Variants in EPN2 observed in about 807,000 individuals in gnomAD.
The protein encoded by EPN2 is epsin-2.
In EPN2, 34 loss-of-function variants were observed where a neutral mutation model predicts 61.7. The observed-to-expected ratio is 0.55, with a 90% CI of 0.42 to 0.73. The LOEUF is 0.73. EPN2 is among the 30% of genes least tolerant of loss of function. EPN2 has a pLI of 0.00. For synonymous variants in EPN2, 349 were observed against 353.6 expected (o/e 0.99, Z 0.15); for missense variants, 714 against 839.2 (o/e 0.85, Z 1.84).
intron 1 of EPN2, among the ~76,000 whole-genome samples, chr17:19,245,297 A>G (rs2044932813): frequency 6.6e-6 from 1 of 152,150 alleles, no homozygotes; most frequent in Non-Finnish European, 1.5e-5. Context: ...CCTTGAGCGA[A>G]GGGGACATTT....
chr17:19,242,397 T>A (rs1392645386), intron 1 of EPN2, among the ~76,000 whole-genome samples: 2 of 152,208 alleles, frequency 1.3e-5, no homozygotes, highest in Admixed American at 1.3e-4. Flanking sequence ...GTCTCCAGCC[T>A]GGGTGACAGA....
At chr17:19,258,379 C>T (rs577018296) in intron 1 of EPN2, among the ~76,000 whole-genome samples, 91 of 152,236 alleles carry the variant, frequency 6.0e-4, no homozygotes, top group Middle Eastern at 3.4e-3. Context: ...CCAATGCCAG[C>T]GTGCTTTGAT....
chr17:19,303,624 C>T (rs1294866761), intron 4 of EPN2, among the ~76,000 whole-genome samples: 5 of 152,212 alleles, frequency 3.3e-5, no homozygotes, highest in Admixed American at 3.3e-4. Flanking sequence ...ACAGGCAGCC[C>T]TCCCACCACC....
chr17:19,269,423 G>C (rs1490905888), intron 1 of EPN2, among the ~76,000 whole-genome samples: 1 of 152,240 alleles, frequency 6.6e-6, no homozygotes. Flanking sequence ...CAAAGGAACA[G>C]TGCAGGTTTC....
chr17:19,309,891 C>G lies in EPN2; in HGVS notation c.773C>G (p.Ser258Cys). ...ACTTGGTCTTCCCCAACAGCCACCTCCCCGCGAGTGTCCTCCGAGCTGGAG... is the reference window on the plus strand; with the variant it reads ...ACTTGGTCTTCCCCAACAGCCACCTGCCCGCGAGTGTCCTCCGAGCTGGAG... The part of the protein sequence containing the change: ...LTCDRAARAT[S>C]PRVSSELEQA... Residue 258 changes from serine (S) to cysteine (C), a missense_variant, in exon 5 of 11, where the codon TCC (serine) becomes TGC (cysteine). Transcript: ENST00000314728. 1 of 1,606,596 alleles carries G rather than the reference C, an allele frequency of 6.2e-7. No homozygotes were observed. Among genetic ancestry groups the G allele is most frequent in the African/African-American group, 1.3e-5 (1 of 75,054 alleles).
chr17:19,332,329 G>T (rs149201281), intron 10 of EPN2, among the ~76,000 whole-genome samples: 196 of 152,172 alleles, frequency 1.3e-3, no homozygotes, highest in Non-Finnish European at 2.2e-3. Flanking sequence ...CCCTGACTTG[G>T]TGCCCCCCCA....
intron 8 of EPN2, 23 bp from the exon 9 acceptor site, chr17:19,329,538 C>T: frequency 6.6e-7 from 1 of 1,507,506 alleles, no homozygotes; most frequent in Non-Finnish European, 9.2e-7. Context: ...TGCCCCCAGT[C>T]ATTGGCTTCT....
chr17:19,274,731 C>T (rs1163183914), intron 1 of EPN2, among the ~76,000 whole-genome samples: 1 of 152,198 alleles, frequency 6.6e-6, no homozygotes, highest in African/African-American at 2.4e-5. Context: ...CTGCTTGGAA[C>T]TGTGAAAAGC....
intron 4 of EPN2, among the ~76,000 whole-genome samples, chr17:19,295,731 C>A (rs1041004171): frequency 3.9e-5 from 6 of 152,104 alleles, no homozygotes; most frequent in Non-Finnish European, 7.3e-5. Context: ...ATCACTAGCT[C>A]TCAAGCTTTT....
intron 7 of EPN2, among the ~76,000 whole-genome samples, chr17:19,325,105 C>A (rs143221208): frequency 2.6e-5 from 4 of 152,174 alleles, no homozygotes; most frequent in African/African-American, 9.7e-5. Context: ...GGTATGGAAT[C>A]GGTATTTAAA....
intron 7 of EPN2, 124 bp from the exon 8 acceptor site, chr17:19,328,587 A>C: frequency 1.1e-6 from 1 of 915,656 alleles, no homozygotes; most frequent in East Asian, 2.7e-5. Context: ...TACCCTTTTG[A>C]TGGCTGTCTC....
chr17:19,267,497 G>A (rs1027410669), intron 1 of EPN2, among the ~76,000 whole-genome samples: 1 of 150,536 alleles, frequency 6.6e-6, no homozygotes, highest in Admixed American at 6.6e-5. Context: ...GAATTTAAAA[G>A]TAAGTTGATG....
At chr17:19,289,703 C>T (rs1452028988) in intron 4 of EPN2, among the ~76,000 whole-genome samples, 3 of 140,736 alleles carry the variant, frequency 2.1e-5, no homozygotes, top group Admixed American at 7.3e-5. Flanking sequence ...GTCAGCTGTT[C>T]GGCCTCACCT....
intron 4 of EPN2, among the ~76,000 whole-genome samples, chr17:19,293,954 G>T (rs937724616): frequency 6.6e-6 from 1 of 151,994 alleles, no homozygotes; most frequent in Non-Finnish European, 1.5e-5. Flanking sequence ...GTCGGGTGTG[G>T]TGGTGGATGC....
chr17:19,313,948 C>T (rs11652784), intron 7 of EPN2, among the ~76,000 whole-genome samples: 85,382 of 151,998 alleles, frequency 0.56, 30,833 homozygotes, highest in Non-Finnish European at 0.81. Flanking sequence ...GGCCTGGTGC[C>T]CTGGGAGGCC....
chr17:19,252,932 A>G (rs2045030624), intron 1 of EPN2, among the ~76,000 whole-genome samples: 1 of 152,124 alleles, frequency 6.6e-6, no homozygotes, highest in African/African-American at 2.4e-5. Context: ...CCTGAGTGCA[A>G]GAGATCTGCC....
At chr17:19,324,744 A>G (rs532758318) in intron 7 of EPN2, among the ~76,000 whole-genome samples, 2 of 152,370 alleles carry the variant, frequency 1.3e-5, no homozygotes, top group East Asian at 3.9e-4. Context: ...TTAGAATAGC[A>G]TTACACTGAC....
chr17:19,255,705 C>T (rs2045069949), intron 1 of EPN2, among the ~76,000 whole-genome samples: 1 of 151,724 alleles, frequency 6.6e-6, no homozygotes, highest in Admixed American at 6.6e-5. Context: ...TCACTGTAGC[C>T]TCTAGCTCCT....
At chr17:19,243,683 G>T (rs1345053978) in intron 1 of EPN2, among the ~76,000 whole-genome samples, 2 of 152,076 alleles carry the variant, frequency 1.3e-5, no homozygotes, top group Non-Finnish European at 2.9e-5. Context: ...ATGAGCCACT[G>T]CGCCCGGCCA....
Sources: allele counts gnomAD v4.1 joint callset (sites outside exome capture counted in the v4.1 genomes callset), GRCh38; gene constraint gnomAD v4.1.1; transcripts MANE v1.5; gene names NCBI Gene and HGNC (gene_info 2026-07-23, HGNC 2026-07-21).